The following SPIDR variants were observed in gnomAD, a reference collection of about 807,000 sequenced individuals.
SPIDR encodes DNA repair-scaffolding protein.
A neutral mutation model predicts 104.6 loss-of-function variants in SPIDR; 93 were observed. That is an observed-to-expected ratio of 0.89 (90% confidence interval 0.75 to 1.06). The LOEUF (loss-of-function observed/expected upper bound fraction) is 1.06. Among genes scored for constraint, SPIDR ranks in the 50% least tolerant of loss-of-function variants. SPIDR has a pLI of 0.00. For synonymous variants in SPIDR, 431 were observed against 416.9 expected, an observed-to-expected ratio of 1.03 and a Z score of -0.41; for missense variants, 1,154 against 1,111.2, an observed-to-expected ratio of 1.04 and a Z score of -0.55.
At chr8:47,667,567 T>C (rs1238455953) in intron 10 of SPIDR, among the ~76,000 whole-genome samples, 1 of 147,136 alleles carries the variant, frequency 6.8e-6, no homozygotes, top group Middle Eastern at 3.4e-3. Context: ...GCCTCCAACA[T>C]AAGAAATAGG....
intron 5 of SPIDR, among the ~76,000 whole-genome samples, chr8:47,351,727 T>A (rs1412301313): frequency 1.3e-5 from 2 of 152,192 alleles, no homozygotes; most frequent in Non-Finnish European, 2.9e-5. Context: ...AGTACTACAC[T>A]GAATGAAGTG....
intron 10 of SPIDR, among the ~76,000 whole-genome samples, chr8:47,669,339 G>A (rs534080936): frequency 1.3e-5 from 2 of 152,222 alleles, no homozygotes; most frequent in Non-Finnish European, 2.9e-5. Context: ...ATAAGCTGAC[G>A]CTGGTCTGGG....
At chr8:47,278,275 C>G (rs1033943218) in intron 1 of SPIDR, among the ~76,000 whole-genome samples, 1 of 151,892 alleles carries the variant, frequency 6.6e-6, no homozygotes, top group Admixed American at 6.6e-5. Flanking sequence ...CCCACCCCAG[C>G]CTCTTGAATA....
At chr8:47,700,314 A>T in intron 11 of SPIDR, 89 bp from the exon 12 acceptor site, 1 of 1,304,898 alleles carries the variant, frequency 7.7e-7, no homozygotes, top group Non-Finnish European at 1.1e-6. Context: ...CTTAGGCATT[A>T]GAGTCTGTTA....
intron 7 of SPIDR, among the ~76,000 whole-genome samples, chr8:47,434,517 C>T (rs1554691061): frequency 6.6e-6 from 1 of 152,116 alleles, no homozygotes; most frequent in Non-Finnish European, 1.5e-5. Context: ...AGGAAAATTC[C>T]AAATTACCAT....
At chr8:47,661,170 A>G (rs2074050181) in intron 10 of SPIDR, among the ~76,000 whole-genome samples, 1 of 152,274 alleles carries the variant, frequency 6.6e-6, no homozygotes, top group African/African-American at 2.4e-5. Flanking sequence ...TGTTATTCCA[A>G]GAAGTTTTGA....
chr8:47,455,183 A>G (rs918239805), intron 8 of SPIDR, among the ~76,000 whole-genome samples: 5 of 152,150 alleles, frequency 3.3e-5, no homozygotes, highest in Non-Finnish European at 5.9e-5. Context: ...ACAAATCTAT[A>G]TTAGGATGCA....
At chr8:47,665,416 A>G (rs1179454058) in intron 10 of SPIDR, among the ~76,000 whole-genome samples, 2 of 152,232 alleles carry the variant, frequency 1.3e-5, no homozygotes, top group African/African-American at 4.8e-5. Context: ...TCATTTTTAT[A>G]GAAACCAAAG....
chr8:47,362,479 A>T lies in SPIDR; in HGVS notation c.526-33897A>T, dbSNP rs548090380. Reference sequence around the variant, plus strand: ...TCCTCCCCTTGCTCTTTGACCACACATCACTACACATTGGTATGCCAGATC... The same window carrying T: ...TCCTCCCCTTGCTCTTTGACCACACTTCACTACACATTGGTATGCCAGATC... On this transcript the variant is annotated intron_variant, in intron 5 of 19. Coordinates refer to ENST00000297423, the MANE Select transcript of SPIDR (RefSeq NM_001080394.4). Among the ~76,000 whole-genome samples the T allele has an allele frequency of 1.3e-3, 203 of 152,296 alleles. 1 individual carries two copies. Among genetic ancestry groups the T allele is most frequent in the Non-Finnish European group, 2.0e-3 (133 of 68,022 alleles).
At chr8:47,592,943 A>G (rs546059462) in intron 8 of SPIDR, among the ~76,000 whole-genome samples, 17 of 151,794 alleles carry the variant, frequency 1.1e-4, no homozygotes, top group Admixed American at 2.0e-4. Flanking sequence ...TTGGAGTGCA[A>G]TGGTGCGATC....
In SPIDR at chr8:47,291,152, T is replaced by C. The variant is rs2039832757; in HGVS notation, c.361+15T>C. ...GTTACAGAGAGGTAATGGACATTGC[T>C]CTAGAATAGACAGATTTTGTAACAG... On this transcript the variant is annotated intron_variant, in intron 4 of 19. Transcript: ENST00000297423. The C allele has an allele frequency of 6.4e-6, 10 of 1,552,610 alleles. No individual in the cohort carries two copies. Among genetic ancestry groups the C allele is most frequent in the South Asian group, 1.2e-5 (1 of 85,394 alleles).
At chr8:47,620,470 GT>G (rs1262456494) in intron 10 of SPIDR, among the ~76,000 whole-genome samples, 1 of 151,964 alleles carries the variant, frequency 6.6e-6, no homozygotes, top group Non-Finnish European at 1.5e-5. Flanking sequence ...TTTTCGCCAT[GT>G]TGGCCAGGCT....
At chr8:47,420,417 A>C (rs2065213720) in intron 7 of SPIDR, among the ~76,000 whole-genome samples, 1 of 152,076 alleles carries the variant, frequency 6.6e-6, no homozygotes, top group Admixed American at 6.5e-5. Context: ...AGTCTGTTTT[A>C]TCAGAGACTA....
At chr8:47,447,909 C>CT (rs1352493666) in intron 8 of SPIDR, among the ~76,000 whole-genome samples, 3 of 152,114 alleles carry the variant, frequency 2.0e-5, no homozygotes, top group African/African-American at 4.8e-5. Context: ...AAGGTATGCA[C>CT]TTTTTTTAGA....
At chr8:47,423,559 G>A (rs1468075604) in intron 7 of SPIDR, among the ~76,000 whole-genome samples, 1 of 151,974 alleles carries the variant, frequency 6.6e-6, no homozygotes, top group Admixed American at 6.6e-5. Flanking sequence ...CCGAGATCAC[G>A]CCACTGCACT....
chr8:47,573,743 ACT>A (rs1249399083), intron 8 of SPIDR, among the ~76,000 whole-genome samples: 1 of 151,906 alleles, frequency 6.6e-6, no homozygotes, highest in African/African-American at 2.4e-5. Context: ...TATGTTTCTG[ACT>A]CTGCTTATTG....
rs537072169 is a variant in SPIDR at position 47,717,144 on chromosome 8, C to T, written c.2341+3503C>T. 9.2e-5 allele frequency among the ~76,000 whole-genome samples: 14 copies of T among 152,226 alleles called. No homozygotes were observed. The South Asian group carries it at 2.5e-3, about 27-fold the overall frequency. On this transcript the variant is annotated intron_variant, in intron 16 of 19. Transcript: ENST00000297423. ...GAGGGATGCAGCCTGGTCCCTGGGG[C>T]GCATGTGCTATTTGTGTGCCTTTGG...
At chr8:47,582,827 TACACACACAC>T (rs72295566) in intron 8 of SPIDR, among the ~76,000 whole-genome samples, 1,313 of 130,256 alleles carry the variant, frequency 0.01, 14 homozygotes, top group Admixed American at 0.027. Context: ...AACAACAAAT[TACACACACAC>T]ACACACACAC....
chr8:47,284,970 C>G (rs2038545121), intron 3 of SPIDR, among the ~76,000 whole-genome samples: 1 of 152,226 alleles, frequency 6.6e-6, no homozygotes, highest in African/African-American at 2.4e-5. Flanking sequence ...AGAGTGAGGG[C>G]TTGTGACTTC....
Sources: allele counts gnomAD v4.1 joint callset (sites outside exome capture counted in the v4.1 genomes callset), GRCh38; gene constraint gnomAD v4.1.1; transcripts MANE v1.5; gene names NCBI Gene and HGNC (gene_info 2026-07-23, HGNC 2026-07-21).